Variants in ST7L observed in about 807,000 individuals in gnomAD.
ST7L encodes suppressor of tumorigenicity 7 protein-like.
A neutral mutation model predicts 72.5 loss-of-function variants in ST7L; 57 were observed. The ratio of observed to expected loss-of-function variants is 0.79; its 90% CI spans 0.64 to 0.98. ST7L has a LOEUF of 0.98. ST7L is among the 50% of genes least tolerant of loss of function. ST7L has a pLI of 0.00. For synonymous variants in ST7L, 221 were observed against 240.9 expected (o/e 0.92, Z 0.77); for missense variants, 576 against 672.2 (o/e 0.86, Z 1.58).
intron 11 of ST7L, among the ~76,000 whole-genome samples, chr1:112,563,097 T>TATAATAATA (rs146284524): frequency 1.3e-3 from 190 of 149,740 alleles, no homozygotes; most frequent in African/African-American, 4.3e-3. Flanking sequence ...TTACTTTTGT[T>TATAATAATA]ATAATAATAA....
intron 11 of ST7L, among the ~76,000 whole-genome samples, chr1:112,561,767 GC>G (rs1362525692): frequency 4.0e-5 from 6 of 151,486 alleles, no homozygotes; most frequent in African/African-American, 1.5e-4. Context: ...GGCATGCGTT[GC>G]CCGGCCAATC....
intron 6 of ST7L, among the ~76,000 whole-genome samples, chr1:112,589,153 T>TA (rs1558026498): frequency 6.6e-6 from 1 of 152,192 alleles, no homozygotes; most frequent in Non-Finnish European, 1.5e-5. Flanking sequence ...TTATCATGGG[T>TA]TCCTTTACTT....
intron 1 of ST7L, 85 bp downstream of exon 1, chr1:112,618,824 T>C (rs1670370381): frequency 1.3e-6 from 2 of 1,511,470 alleles, no homozygotes; most frequent in Admixed American, 2.1e-5. Flanking sequence ...CCTCTAGGAC[T>C]ACCGAGAATC....
rs1553247581 is a variant in ST7L, at chr1:112,568,863, T to TAA, written c.1245+8122_1245+8123insTT. Among the ~76,000 whole-genome samples the TAA allele has an allele frequency of 3.6e-5, 3 of 83,308 alleles. No homozygotes were observed. The East Asian group carries it at 8.2e-4, about 23-fold the overall frequency. The allele number at this position is 83,308 out of a possible 152,430, so 54.7% of individuals were successfully genotyped here. A position where few individuals can be genotyped will look rare whatever the true frequency, so the allele number is the denominator to read the frequency against. On this transcript the variant is annotated intron_variant, in intron 11 of 14. Coordinates refer to ENST00000358039, the MANE Select transcript of ST7L (RefSeq NM_017744.5). ...TGTTTTTTATAAATATAAATATAAATATATATATATATATATATATATATA... is the reference window on the plus strand; with the variant it reads ...TGTTTTTTATAAATATAAATATAAATAAATATATATATATATATATATATATA...
At chr1:112,542,116 A>G in intron 13 of ST7L, 26 bp from the exon 14 acceptor site, 2 of 1,560,452 alleles carry the variant, frequency 1.3e-6, no homozygotes, top group Admixed American at 2.0e-5. Context: ...GGTAAGAATC[A>G]ATTTTATTTC....
intron 6 of ST7L, among the ~76,000 whole-genome samples, chr1:112,589,287 T>C (rs771313141): frequency 2.6e-5 from 4 of 152,054 alleles, no homozygotes; most frequent in Non-Finnish European, 5.9e-5. Flanking sequence ...CAGGGTCTCT[T>C]TATGTTACCT....
rs527839840 is a variant in ST7L, at chr1:112,589,970, C to G, written c.701+1555G>C. Among the ~76,000 whole-genome samples, 21 of 152,330 alleles carry G rather than the reference C, an allele frequency of 1.4e-4. 1 individual carries two copies. In the South Asian group the frequency reaches 4.1e-3, roughly 30 times the overall value. On this transcript the variant is annotated intron_variant, in intron 6 of 14. Coordinates refer to ENST00000358039, the MANE Select transcript of ST7L (RefSeq NM_017744.5). ...AAAGTGTCTAATTCCCGAGACTTTG[C>G]TCACAAGCTTTCTGGTTTGTCTATT...
intron 11 of ST7L, among the ~76,000 whole-genome samples, chr1:112,563,098 A>G (rs1424602002): frequency 2.5e-5 from 3 of 120,044 alleles, no homozygotes; most frequent in African/African-American, 1.4e-4. Context: ...TACTTTTGTT[A>G]TAATAATAAT....
chr1:112,564,538 G>A (rs573616082), intron 11 of ST7L, among the ~76,000 whole-genome samples: 14 of 152,120 alleles, frequency 9.2e-5, no homozygotes, highest in Admixed American at 3.3e-4. Flanking sequence ...TGCTGCTAAA[G>A]AGCTACTATC....
At chr1:112,540,833 A>G in intron 14 of ST7L, 1 of 1,289,214 alleles carries the variant, frequency 7.8e-7, no homozygotes, top group Non-Finnish European at 1.0e-6. Flanking sequence ...TGGGAATATA[A>G]TTAATCAGCA....
chr1:112,587,513 G>C (rs1665040034), intron 6 of ST7L, among the ~76,000 whole-genome samples: 1 of 152,206 alleles, frequency 6.6e-6, no homozygotes, highest in Non-Finnish European at 1.5e-5. Context: ...TGAGGCAGAA[G>C]AATCACTTGA....
intron 3 of ST7L, among the ~76,000 whole-genome samples, chr1:112,601,268 CAG>C (rs1336462756): frequency 2.0e-5 from 3 of 152,032 alleles, no homozygotes; most frequent in Non-Finnish European, 4.4e-5. Context: ...TGTTTTGAGA[CAG>C]AGTCTCGCTC....
intron 2 of ST7L, among the ~76,000 whole-genome samples, chr1:112,613,770 C>T (rs1052408921): frequency 2.0e-5 from 3 of 152,030 alleles, no homozygotes; most frequent in African/African-American, 4.8e-5. Context: ...CTCTGTTGCC[C>T]GGGCTGGAGT....
At chr1:112,616,289 G>A (rs907671525) in intron 2 of ST7L, among the ~76,000 whole-genome samples, 2 of 152,218 alleles carry the variant, frequency 1.3e-5, no homozygotes, top group South Asian at 2.1e-4. Flanking sequence ...TTTACAATAA[G>A]CCTTTAATAT....
chr1:112,567,605 A>G (rs2101721845), intron 11 of ST7L, among the ~76,000 whole-genome samples: 1 of 152,310 alleles, frequency 6.6e-6, no homozygotes, highest in East Asian at 1.9e-4. Context: ...GATCAATGAC[A>G]CATTTCAAAT....
intron 13 of ST7L, among the ~76,000 whole-genome samples, chr1:112,545,367 T>G (rs1242541508): frequency 1.3e-5 from 2 of 152,190 alleles, no homozygotes; most frequent in African/African-American, 2.4e-5. Flanking sequence ...ATTGGCCTTA[T>G]ATTAGACAAC....
chr1:112,560,385 C>G (rs1659923662), intron 11 of ST7L, among the ~76,000 whole-genome samples: 1 of 151,858 alleles, frequency 6.6e-6, no homozygotes, highest in African/African-American at 2.4e-5. Context: ...CAGAGCGAGA[C>G]TCTGTCTCAA....
At chr1:112,568,812 C>T (rs112231383) in intron 11 of ST7L, among the ~76,000 whole-genome samples, 2,416 of 144,134 alleles carry the variant, frequency 0.017, 21 homozygotes, top group African/African-American at 0.022. Context: ...GAGTTTGAGA[C>T]GAGCCCGGGC....
At chr1:112,595,370 GAAAAAA>G (rs67553307) in intron 5 of ST7L, among the ~76,000 whole-genome samples, 7 of 52,000 alleles carry the variant, frequency 1.3e-4, no homozygotes, top group Admixed American at 9.3e-4. Flanking sequence ...GGTCTCAAAA[GAAAAAA>G]AAAAAAAAAA....
Sources: allele counts gnomAD v4.1 joint callset (sites outside exome capture counted in the v4.1 genomes callset), GRCh38; gene constraint gnomAD v4.1.1; transcripts MANE v1.5; gene names NCBI Gene and HGNC (gene_info 2026-07-23, HGNC 2026-07-21).